GLRA1: variants seen among roughly 807,000 people sequenced by gnomAD.
GLRA1 encodes glycine receptor alpha 1.
Under a neutral mutation model 48.3 loss-of-function variants are expected in GLRA1, and 37 were observed. The observed-to-expected ratio is 0.77, with a 90% CI of 0.59 to 1.01. The LOEUF (loss-of-function observed/expected upper bound fraction) is 1.01, where lower values mean the gene tolerates loss of function less well. Among genes scored for constraint, GLRA1 ranks in the 50% least tolerant of loss-of-function variants. The pLI is 0.00. For missense variants in GLRA1, 427 were observed against 571.0 expected (o/e 0.75, Z 2.57); for synonymous variants, 196 against 210.7 (o/e 0.93, Z 0.60).
At chr5:151,859,064 T>C (rs764539870) in intron 4 of GLRA1, among the ~76,000 whole-genome samples, 3 of 152,216 alleles carry the variant, frequency 2.0e-5, no homozygotes, top group African/African-American at 7.2e-5. Context: ...AAAACCTGCT[T>C]CATGGGGTTA....
intron 7 of GLRA1, among the ~76,000 whole-genome samples, chr5:151,846,734 A>G (rs1023732154): frequency 2.6e-5 from 4 of 152,226 alleles, no homozygotes; most frequent in Admixed American, 1.3e-4. Flanking sequence ...TGCAATATGA[A>G]TTGGATCCTT....
chr5:151,911,912 G>A (rs1754622114), intron 1 of GLRA1, among the ~76,000 whole-genome samples: 1 of 152,096 alleles, frequency 6.6e-6, no homozygotes, highest in African/African-American at 2.4e-5. Flanking sequence ...CCGGCCCCAA[G>A]CTAGAGTTTT....
intron 7 of GLRA1, among the ~76,000 whole-genome samples, chr5:151,835,245 A>C (rs1248169767): frequency 6.6e-6 from 1 of 152,148 alleles, no homozygotes; most frequent in Non-Finnish European, 1.5e-5. Context: ...ATCCCGGAAA[A>C]GGTCAATAAC....
chr5:151,892,039 CCTT>C (rs751518835), intron 2 of GLRA1, among the ~76,000 whole-genome samples: 4 of 152,158 alleles, frequency 2.6e-5, no homozygotes, highest in Non-Finnish European at 5.9e-5. Flanking sequence ...CCATGTTTAT[CCTT>C]CTTCCCATCA....
At chr5:151,907,779 A>G (rs1221286194) in intron 1 of GLRA1, among the ~76,000 whole-genome samples, 1 of 152,214 alleles carries the variant, frequency 6.6e-6, no homozygotes, top group African/African-American at 2.4e-5. Context: ...CCCCTGGGCA[A>G]TTAGGGAAGG....
intron 7 of GLRA1, among the ~76,000 whole-genome samples, chr5:151,844,185 A>G (rs1752604060): frequency 6.6e-6 from 1 of 151,816 alleles, no homozygotes; most frequent in African/African-American, 2.4e-5. Context: ...AAAAAAATGA[A>G]GTTGGACCTC....
chr5:151,850,497 G>A (rs1381114066), intron 7 of GLRA1: 4 of 1,020,082 alleles, frequency 3.9e-6, no homozygotes, highest in Non-Finnish European at 6.3e-6. Flanking sequence ...GGAGGCCATC[G>A]AGAAACTAAG....
chr5:151,892,500 T>C, intron 1 of GLRA1, 62 bp from the exon 2 acceptor site: 1 of 1,586,226 alleles, frequency 6.3e-7, no homozygotes, highest in South Asian at 1.1e-5. Context: ...TGTGATCAGA[T>C]CCCAGCCTTG....
chr5:151,860,763 C>T (rs1225225341), intron 3 of GLRA1, among the ~76,000 whole-genome samples: 1 of 152,124 alleles, frequency 6.6e-6, no homozygotes, highest in East Asian at 1.9e-4. Context: ...TTCTAGGGTA[C>T]ATGTGCACAA....
chr5:151,875,538 A>G (rs1753604745), intron 3 of GLRA1: 1 of 152,100 alleles, frequency 6.6e-6, no homozygotes, highest in Admixed American at 6.6e-5. Context: ...TTATTTGCAA[A>G]TACCCAAAAT....
intron 1 of GLRA1, among the ~76,000 whole-genome samples, chr5:151,900,974 G>T (rs1754353115): frequency 6.6e-6 from 1 of 152,198 alleles, no homozygotes; most frequent in Non-Finnish European, 1.5e-5. Context: ...TAATTTAGCT[G>T]TGCAGCATTA....
intron 1 of GLRA1, among the ~76,000 whole-genome samples, chr5:151,920,579 T>C (rs1754851652): frequency 6.6e-6 from 1 of 152,282 alleles, no homozygotes; most frequent in East Asian, 1.9e-4. Flanking sequence ...ACATTTTCTT[T>C]TCTCTTTTTT....
intron 7 of GLRA1, among the ~76,000 whole-genome samples, chr5:151,839,253 T>C (rs1763653028): frequency 6.6e-6 from 1 of 152,204 alleles, no homozygotes; most frequent in African/African-American, 2.4e-5. Context: ...GGACGCCCTT[T>C]AGGCTGAAAT....
In GLRA1 at chr5:151,849,120, C is replaced by CTTTA. The variant is rs1156578878; in HGVS notation, c.912+2269_912+2270insTAAA. 1.1e-4 allele frequency: 19 copies of CTTTA among 172,950 alleles called. 1 individual carries two copies. The highest frequency in any genetic ancestry group is 1.6e-3 in the Middle Eastern group (1 of 612). The allele number at this position is 172,950 out of a possible 1,614,324, so 10.7% of individuals were successfully genotyped here. A position where few individuals can be genotyped will look rare whatever the true frequency, so the allele number is the denominator to read the frequency against. ...TTTCTTTTCTTTTCTTTCTTTCTTTCTTTCTTTCTTTCTTTCTTTCTTTCT... is the reference window on the plus strand; with the variant it reads ...TTTCTTTTCTTTTCTTTCTTTCTTTCTTTATTTCTTTCTTTCTTTCTTTCTTTCT... On this transcript the variant is annotated intron_variant, in intron 7 of 8. Coordinates refer to ENST00000274576, the MANE Select transcript of GLRA1 (RefSeq NM_000171.4).
chr5:151,876,399 G>A (rs1490722601), intron 3 of GLRA1, among the ~76,000 whole-genome samples: 2 of 152,050 alleles, frequency 1.3e-5, no homozygotes, highest in South Asian at 2.1e-4. Context: ...ATTTGGTGCC[G>A]ATCAGTTTAG....
At chr5:151,894,089 T>C (rs1231252495) in intron 1 of GLRA1, among the ~76,000 whole-genome samples, 1 of 152,162 alleles carries the variant, frequency 6.6e-6, no homozygotes, top group Non-Finnish European at 1.5e-5. Flanking sequence ...AGCACTGACA[T>C]GTGCTTGTGG....
intron 3 of GLRA1, among the ~76,000 whole-genome samples, chr5:151,877,958 G>T (rs952862426): frequency 1.3e-5 from 2 of 152,188 alleles, no homozygotes; most frequent in African/African-American, 4.8e-5. Flanking sequence ...TGAAAATGTG[G>T]AAGTGACTTT....
At chr5:151,849,495 T>TTCCTTC (rs1561555262) in intron 7 of GLRA1, among the ~76,000 whole-genome samples, 1 of 85,050 alleles carries the variant, frequency 1.2e-5, no homozygotes, top group East Asian at 3.1e-4. Flanking sequence ...TTCCTTCCTT[T>TTCCTTC]CTTTTCTTTC....
At chr5:151,885,973 GATAGA>G (rs750487910) in intron 3 of GLRA1, among the ~76,000 whole-genome samples, 12 of 152,102 alleles carry the variant, frequency 7.9e-5, no homozygotes, top group Admixed American at 2.6e-4. Context: ...TTCCGAAATG[GATAGA>G]TTAGAGTTAA....
Sources: allele counts gnomAD v4.1 joint callset (sites outside exome capture counted in the v4.1 genomes callset), GRCh38; gene constraint gnomAD v4.1.1; transcripts MANE v1.5; gene names NCBI Gene and HGNC (gene_info 2026-07-23, HGNC 2026-07-21).